Variants in STAM observed in about 807,000 individuals in gnomAD.
STAM encodes signal transducing adaptor molecule.
Under a neutral mutation model 63.4 loss-of-function variants are expected in STAM, and 16 were observed. The observed-to-expected ratio is 0.25, with a 90% CI of 0.17 to 0.38. The LOEUF is 0.38. Ranked by LOEUF, STAM falls within the 10% of genes least tolerant of loss-of-function variation. STAM has a pLI of 1.00. For synonymous variants in STAM, 238 were observed against 223.9 expected, an observed-to-expected ratio of 1.06 and a Z score of -0.56; for missense variants, 636 against 657.1, an observed-to-expected ratio of 0.97 and a Z score of 0.35.
At chr10:17,687,479 A>C (rs1388489492) in intron 4 of STAM, among the ~76,000 whole-genome samples, 1 of 148,810 alleles carries the variant, frequency 6.7e-6, no homozygotes, top group African/African-American at 2.5e-5. Context: ...ACAGGGTGAG[A>C]CTCTGTCTCA....
At chr10:17,659,025 C>CT (rs1245028569) in intron 1 of STAM, among the ~76,000 whole-genome samples, 4 of 151,866 alleles carry the variant, frequency 2.6e-5, no homozygotes, top group Non-Finnish European at 5.9e-5. Context: ...CTATTTCACT[C>CT]TTTTTTTGGC....
At chr10:17,713,911 T>G (rs1181506752) in intron 13 of STAM, among the ~76,000 whole-genome samples, 3 of 151,938 alleles carry the variant, frequency 2.0e-5, no homozygotes, top group African/African-American at 7.3e-5. Flanking sequence ...TCCAGCCCCC[T>G]CCCCACCACC....
chr10:17,657,589 G>T (rs1280619824), intron 1 of STAM, among the ~76,000 whole-genome samples: 1 of 152,034 alleles, frequency 6.6e-6, no homozygotes, highest in African/African-American at 2.4e-5. Context: ...AACCCATCTG[G>T]GCCTGTGCTT....
At chr10:17,703,574 T>G (rs1337145993) in intron 9 of STAM, among the ~76,000 whole-genome samples, 1 of 152,148 alleles carries the variant, frequency 6.6e-6, no homozygotes, top group Non-Finnish European at 1.5e-5. Flanking sequence ...TCTGTTTGGA[T>G]TTTTTAAAAA....
At position 17,699,154 on chromosome 10, in the gene STAM, G is replaced by T. The variant is rs200808235; in HGVS notation, c.824-1037G>T. Among the ~76,000 whole-genome samples the T allele has an allele frequency of 2.0e-5, 3 of 152,106 alleles. No homozygotes were observed. The East Asian group carries it at 5.8e-4, about 29-fold the overall frequency. On this transcript the variant is annotated intron_variant, in intron 8 of 13. Transcript: ENST00000377524. ...AAGATAGATTGGCATTCAAATCCAG[G>T]CTTTGTCATTTATTAGCTTTCTCTT...
At chr10:17,690,749 A>G (rs1835495308) in intron 5 of STAM, among the ~76,000 whole-genome samples, 1 of 152,226 alleles carries the variant, frequency 6.6e-6, no homozygotes, top group Non-Finnish European at 1.5e-5. Flanking sequence ...ATGTAAAAAT[A>G]TTAAGAAAAG....
At chr10:17,671,695 A>G (rs1315759621) in intron 2 of STAM, among the ~76,000 whole-genome samples, 1 of 152,184 alleles carries the variant, frequency 6.6e-6, no homozygotes, top group African/African-American at 2.4e-5. Flanking sequence ...AGGTTATTAG[A>G]GGTTAACCAT....
chr10:17,679,630 AATTCACCAGTG>A (rs1835000309), intron 2 of STAM, among the ~76,000 whole-genome samples: 1 of 151,664 alleles, frequency 6.6e-6, no homozygotes, highest in African/African-American at 2.4e-5. Context: ...CATTTGGTAG[AATTCACCAGTG>A]AAGCTTTCTG....
Position 17,703,023 on chromosome 10 carries a change from A to AAAAAAG in STAM, c.913-1404_913-1403insAGAAAA, listed in dbSNP as rs1554828727. Among the ~76,000 whole-genome samples the AAAAAAG allele has an allele frequency of 2.3e-3, 267 of 114,198 alleles. 4 individuals carry two copies. Among genetic ancestry groups the AAAAAAG allele is most frequent in the African/African-American group, 8.2e-3 (260 of 31,794 alleles). 74.9% of individuals were successfully genotyped at this position (114,198 alleles called of 152,430 possible). On this transcript the variant is annotated intron_variant, in intron 9 of 13. Coordinates refer to ENST00000377524, the MANE Select transcript of STAM (RefSeq NM_003473.4). ...GACTCCATCTCAAAAAAAAAAAAAA[A>AAAAAAG]AAAAGAAAAGAAAAGAAAAGAAAAG...
chr10:17,682,683 G>C (rs1056210411), intron 2 of STAM, among the ~76,000 whole-genome samples: 2 of 152,052 alleles, frequency 1.3e-5, no homozygotes, highest in Non-Finnish European at 2.9e-5. Flanking sequence ...CCATTTTGTT[G>C]AATTTTCCAT....
intron 12 of STAM, among the ~76,000 whole-genome samples, chr10:17,706,365 G>A (rs1362866251): frequency 3.3e-5 from 4 of 122,030 alleles, no homozygotes; most frequent in African/African-American, 1.2e-4. Flanking sequence ...TCAGGGTTGA[G>A]GCCCTTTTTT....
Position 17,716,337 on chromosome 10 carries a change from G to A in STAM, c.*1557G>A, listed in dbSNP as rs1465280612. The stretch of plus-strand genomic sequence containing the variant: ...AAGGGTGACTAATTTCACAGACTCA[G>A]ATTTAAAGCACCGTAGTTTTAAATC... On this transcript the variant is annotated 3_prime_UTR_variant, in exon 14 of 14. Coordinates refer to ENST00000377524, the MANE Select transcript of STAM (RefSeq NM_003473.4). 2.7e-5 allele frequency among the ~76,000 whole-genome samples: 4 copies of A among 148,380 alleles called. No individual in the cohort carries two copies. Among genetic ancestry groups the A allele is most frequent in the Non-Finnish European group, 6.0e-5 (4 of 66,962 alleles).
At position 17,676,034 on chromosome 10, in the gene STAM, T is replaced by TA. The variant is rs1219757023; in HGVS notation, c.126-8631dup. On this transcript the variant is annotated intron_variant, in intron 2 of 13. Coordinates refer to ENST00000377524, the MANE Select transcript of STAM (RefSeq NM_003473.4). ...AGAAGTGACTGCTGATAGAATTCAT[T>TA]AAAAAAAAAATCTGTCCTTTGCACA... Among the ~76,000 whole-genome samples, 1,061 of 149,820 alleles carry TA rather than the reference T, an allele frequency of 7.1e-3. 23 individuals carry two copies. The highest frequency in any genetic ancestry group is 0.038 in the Admixed American group (579 of 15,060).
Position 17,714,867 on chromosome 10 carries a change from C to A in STAM, c.*87C>A, listed in dbSNP as rs965649414. ...CATTACTATCTTAAGATGTGTTTAT[C>A]CTCAGCTTATAGGAATCTCTCCAGG... On this transcript the variant is annotated 3_prime_UTR_variant, in exon 14 of 14. Coordinates refer to ENST00000377524, the MANE Select transcript of STAM (RefSeq NM_003473.4). 8.3e-5 allele frequency: 106 copies of A among 1,274,170 alleles called. No homozygotes were observed. The highest frequency in any genetic ancestry group is 1.1e-4 in the Non-Finnish European group (100 of 879,620). 78.9% of individuals were successfully genotyped at this position (1,274,170 alleles called of 1,614,324 possible).
At chr10:17,704,943 A>T (rs373468780) in intron 10 of STAM, 27 bp from the exon 11 acceptor site, 1 of 1,596,350 alleles carries the variant, frequency 6.3e-7, no homozygotes, top group Middle Eastern at 1.7e-4. Flanking sequence ...GTACTTTCTT[A>T]TATTTCTTCA....
chr10:17,713,982 G>A (rs948351157), intron 13 of STAM, among the ~76,000 whole-genome samples: 1 of 152,074 alleles, frequency 6.6e-6, no homozygotes, highest in Non-Finnish European at 1.5e-5. Context: ...CCCCTCTGCC[G>A]CAGCACTCGT....
rs977756165 is a variant in STAM, at chr10:17,646,249, G to C, written c.40+1870G>C. On this transcript the variant is annotated intron_variant, in intron 1 of 13. Transcript: ENST00000377524. ...GTAAATATCTTTGTCATAGGAGTTT[G>C]TCCTGTGCAATGTAGGGTGTTCAGC... Among the ~76,000 whole-genome samples, 9 of 152,104 alleles carry C rather than the reference G, an allele frequency of 5.9e-5. No homozygotes were observed. In the South Asian group the frequency reaches 1.9e-3, roughly 32 times the overall value.
intron 4 of STAM, among the ~76,000 whole-genome samples, chr10:17,686,581 G>A (rs1216091097): frequency 1.3e-5 from 2 of 151,968 alleles, no homozygotes; most frequent in African/African-American, 4.8e-5. Flanking sequence ...TTCACCATGG[G>A]GATGGTCAGG....
At position 17,704,519 on chromosome 10, in the gene STAM, G is replaced by A; in HGVS notation, c.1000+1G>A. The A allele has an allele frequency of 6.2e-7, 1 of 1,613,512 alleles. No individual in the cohort carries two copies. Among genetic ancestry groups the A allele is most frequent in the Non-Finnish European group, 8.5e-7 (1 of 1,179,514 alleles). On this transcript the variant is annotated splice_donor_variant, in intron 10 of 13. Coordinates refer to ENST00000377524, the MANE Select transcript of STAM (RefSeq NM_003473.4). LOFTEE classifies it high-confidence loss of function. ...CTACCAGAGCTGCTTCATCTTGAAG[G>A]TAAAACTTTTCTATTTACCTTGCAA...
Sources: gnomAD v4.1 joint callset for allele counts (sites outside exome capture counted in the v4.1 genomes callset) on GRCh38, gnomAD v4.1.1 for gene constraint, MANE v1.5 for transcripts, NCBI Gene and HGNC (gene_info 2026-07-23, HGNC 2026-07-21) for gene names.